Variants in MSRB2 observed in about 807,000 individuals in gnomAD.
MSRB2 encodes the protein methionine-R-sulfoxide reductase B2, mitochondrial.
Under a neutral mutation model 19.0 loss-of-function variants are expected in MSRB2, and 17 were observed. The ratio of observed to expected loss-of-function variants is 0.89; its 90% CI spans 0.61 to 1.34. The LOEUF is 1.34. Among genes scored for constraint, MSRB2 ranks in the 40% most tolerant of loss-of-function variants. MSRB2 has a pLI of 0.00. For synonymous variants in MSRB2, 107 were observed against 99.7 expected (o/e 1.07, Z -0.44); for missense variants, 208 against 237.6 (o/e 0.88, Z 0.82).
chr10:23,117,738 G>T (rs537354264), intron 3 of MSRB2, among the ~76,000 whole-genome samples: 62 of 152,280 alleles, frequency 4.1e-4, no homozygotes, highest in Non-Finnish European at 7.8e-4. Context: ...CTACAGGCAT[G>T]CACCACCATG....
At chr10:23,096,480 A>C (rs1157536688) in intron 1 of MSRB2, among the ~76,000 whole-genome samples, 1 of 152,002 alleles carries the variant, frequency 6.6e-6, no homozygotes, top group African/African-American at 2.4e-5. Context: ...CCTGTATTTC[A>C]GTTCTATTTC....
intron 2 of MSRB2, among the ~76,000 whole-genome samples, chr10:23,108,448 C>G (rs539916692): frequency 1.6e-4 from 24 of 151,522 alleles, no homozygotes; most frequent in Admixed American, 5.3e-4. Flanking sequence ...CATCTTCAGC[C>G]CAGGTGGGAA....
chr10:23,100,160 G>A (rs1318224179), intron 1 of MSRB2, among the ~76,000 whole-genome samples: 1 of 152,212 alleles, frequency 6.6e-6, no homozygotes, highest in East Asian at 1.9e-4. Flanking sequence ...GCTAAGAGGA[G>A]GGTGTTTTAT....
chr10:23,113,397 T>A (rs552984670), intron 3 of MSRB2, among the ~76,000 whole-genome samples: 40 of 152,326 alleles, frequency 2.6e-4, no homozygotes, highest in African/African-American at 8.7e-4. Context: ...TGGGTTTTTT[T>A]TTAATCTGCT....
intron 3 of MSRB2, among the ~76,000 whole-genome samples, chr10:23,113,771 A>G (rs918669870): frequency 6.6e-6 from 1 of 152,180 alleles, no homozygotes; most frequent in African/African-American, 2.4e-5. Flanking sequence ...CCATGTGAAA[A>G]CGGAAGCAGA....
intron 2 of MSRB2, among the ~76,000 whole-genome samples, chr10:23,107,334 C>G (rs527648822): frequency 1.3e-5 from 2 of 152,336 alleles, no homozygotes; most frequent in African/African-American, 4.8e-5. Context: ...TCTCACCTGC[C>G]TTCCGGCATC....
At chr10:23,118,690 A>T (rs1840144987) in intron 3 of MSRB2, among the ~76,000 whole-genome samples, 1 of 152,130 alleles carries the variant, frequency 6.6e-6, no homozygotes, top group African/African-American at 2.4e-5. Flanking sequence ...GCTTTATGTC[A>T]CACTTCAGTT....
At chr10:23,115,946 A>G (rs1214313374) in intron 3 of MSRB2, among the ~76,000 whole-genome samples, 1 of 152,146 alleles carries the variant, frequency 6.6e-6, no homozygotes, top group Non-Finnish European at 1.5e-5. Flanking sequence ...AAAGACTGGG[A>G]TTAAAAGATA....
intron 1 of MSRB2, among the ~76,000 whole-genome samples, chr10:23,096,824 C>A (rs531217638): frequency 6.6e-6 from 1 of 152,316 alleles, no homozygotes; most frequent in Non-Finnish European, 1.5e-5. Context: ...CTGAGAACCA[C>A]AGGTGATAGA....
chr10:23,112,693 A>G (rs1476191131), intron 3 of MSRB2, among the ~76,000 whole-genome samples: 1 of 152,104 alleles, frequency 6.6e-6, no homozygotes, highest in Admixed American at 6.5e-5. Flanking sequence ...GGTTGAAGCG[A>G]TTCTCCTGCC....
intron 1 of MSRB2, among the ~76,000 whole-genome samples, chr10:23,101,931 C>G (rs1429820382): frequency 6.6e-6 from 1 of 152,214 alleles, no homozygotes; most frequent in Non-Finnish European, 1.5e-5. Context: ...CTGACATCAT[C>G]ATAGTACATT....
chr10:23,120,691 T>C, intron 4 of MSRB2, 67 bp from the exon 5 acceptor site: 2 of 1,298,004 alleles, frequency 1.5e-6, no homozygotes, highest in South Asian at 1.3e-5. Context: ...GGGGGGTTCG[T>C]CTGTCTGGTT....
At chr10:23,097,988 T>A (rs1050820869) in intron 1 of MSRB2, among the ~76,000 whole-genome samples, 18 of 152,188 alleles carry the variant, frequency 1.2e-4, no homozygotes, top group African/African-American at 2.7e-4. Context: ...TGATTTTTTT[T>A]AATCCAGATT....
Position 23,095,739 on chromosome 10 carries a change from T to C in MSRB2, c.118+13T>C. 1 of 1,237,590 alleles carries C rather than the reference T, an allele frequency of 8.1e-7. No homozygotes were observed. The highest frequency in any genetic ancestry group is 1.0e-6 in the Non-Finnish European group (1 of 989,122). The allele number at this position is 1,237,590 out of a possible 1,614,324, so 76.7% of individuals were successfully genotyped here. ...CTGGGGGAGGCAGGTAGGACGCGGG[T>C]CCCGCAGGCCCCGCCGCCGCCTACG... On this transcript the variant is annotated intron_variant, in intron 1 of 4. Transcript: ENST00000376510.
In MSRB2 at chr10:23,119,586, T is replaced by C. The variant is rs1840158488; in HGVS notation, c.444+135T>C. 9 of 1,051,816 alleles carry C rather than the reference T, an allele frequency of 8.6e-6. No individual in the cohort carries two copies. In the Admixed American group the frequency reaches 1.4e-4, roughly 17 times the overall value. The allele number at this position is 1,051,816 out of a possible 1,614,324, so 65.2% of individuals were successfully genotyped here. On this transcript the variant is annotated intron_variant, in intron 4 of 4. Transcript: ENST00000376510. ...TCTTCAGAACACATGGGGTTTCTTTTTTGTTTTGCTTTGTTTTGTTTTGTT... is the reference window on the plus strand; with the variant it reads ...TCTTCAGAACACATGGGGTTTCTTTCTTGTTTTGCTTTGTTTTGTTTTGTT...
Position 23,095,581 on chromosome 10 carries a change from A to G in MSRB2, c.-28A>G. 2.1e-6 allele frequency: 3 copies of G among 1,461,204 alleles called. No individual in the cohort carries two copies. Among genetic ancestry groups the G allele is most frequent in the Non-Finnish European group, 2.7e-6 (3 of 1,108,606 alleles). The allele number at this position is 1,461,204 out of a possible 1,614,324, so 90.5% of individuals were successfully genotyped here. A position where few individuals can be genotyped will look rare whatever the true frequency, so the allele number is the denominator to read the frequency against. On this transcript the variant is annotated 5_prime_UTR_variant, in exon 1 of 5. Coordinates refer to ENST00000376510, the MANE Select transcript of MSRB2 (RefSeq NM_012228.4). The stretch of plus-strand genomic sequence containing the variant: ...AGGGGCAGAGACGGGCAGAGGGCAG[A>G]GGGCGGAGCGGCGCCGGAGCGGGCG...
chr10:23,103,692 T>A (rs895231684), intron 1 of MSRB2, among the ~76,000 whole-genome samples: 1 of 152,180 alleles, frequency 6.6e-6, no homozygotes, highest in Non-Finnish European at 1.5e-5. Flanking sequence ...ATCAGAGATA[T>A]CCTTATAAAC....
intron 1 of MSRB2, among the ~76,000 whole-genome samples, chr10:23,096,246 C>G (rs192057276): frequency 2.3e-3 from 355 of 152,046 alleles, no homozygotes; most frequent in African/African-American, 8.3e-3. Flanking sequence ...GTCTAAGAGC[C>G]AGGGAGACTG....
At chr10:23,110,105 T>C in intron 2 of MSRB2, 137 bp from the exon 3 acceptor site, 1 of 629,794 alleles carries the variant, frequency 1.6e-6, no homozygotes, top group Non-Finnish European at 2.8e-6. Context: ...TAATTTTCTC[T>C]CTGGCGTTAT....
Sources: gnomAD v4.1 joint callset for allele counts (sites outside exome capture counted in the v4.1 genomes callset) on GRCh38, gnomAD v4.1.1 for gene constraint, MANE v1.5 for transcripts, NCBI Gene and HGNC (gene_info 2026-07-23, HGNC 2026-07-21) for gene names.